ARHGAP21: variants seen among roughly 807,000 people sequenced by gnomAD.
ARHGAP21 encodes Rho GTPase activating protein 21, also known as rho GTPase-activating protein 21.
In ARHGAP21, 38 loss-of-function variants were observed where a neutral mutation model predicts 164.6. The ratio of observed to expected loss-of-function variants is 0.23; its 90% CI spans 0.18 to 0.30. The LOEUF (loss-of-function observed/expected upper bound fraction) is 0.30, where lower values mean the gene tolerates loss of function less well. ARHGAP21 is among the 10% of genes least tolerant of loss of function. ARHGAP21 has a pLI of 1.00. For synonymous variants in ARHGAP21, 766 were observed against 857.9 expected, an observed-to-expected ratio of 0.89 and a Z score of 1.87; for missense variants, 1,822 against 2,370.7, an observed-to-expected ratio of 0.77 and a Z score of 4.81.
intron 2 of ARHGAP21, among the ~76,000 whole-genome samples, chr10:24,711,924 T>C (rs1844864671): frequency 6.6e-6 from 1 of 152,018 alleles, no homozygotes; most frequent in Non-Finnish European, 1.5e-5. Flanking sequence ...TTAAGAACTT[T>C]TTTTTTTTTG....
chr10:24,717,268 A>G (rs1473289483), intron 2 of ARHGAP21, among the ~76,000 whole-genome samples: 2 of 152,208 alleles, frequency 1.3e-5, no homozygotes, highest in African/African-American at 4.8e-5. Context: ...AATCTAAATG[A>G]ACACTGAATA....
At chr10:24,692,435 CAAG>C (rs1290051993) in intron 2 of ARHGAP21, among the ~76,000 whole-genome samples, 1 of 152,198 alleles carries the variant, frequency 6.6e-6, no homozygotes, top group African/African-American at 2.4e-5. Flanking sequence ...TTAATTTTCA[CAAG>C]AAGAAACCAT....
intron 4 of ARHGAP21, among the ~76,000 whole-genome samples, chr10:24,656,161 G>A (rs1485312093): frequency 7.2e-5 from 9 of 125,330 alleles, no homozygotes; most frequent in African/African-American, 2.8e-4. Flanking sequence ...CGGGAGGGAG[G>A]TGGGGGGGGT....
intron 7 of ARHGAP21, among the ~76,000 whole-genome samples, chr10:24,628,634 C>T (rs914600622): frequency 1.9e-4 from 29 of 151,732 alleles, no homozygotes; most frequent in Non-Finnish European, 4.0e-4. Context: ...AATACTTCAG[C>T]GGCCACTGCC....
At chr10:24,718,285 G>T (rs1358136938) in intron 2 of ARHGAP21, among the ~76,000 whole-genome samples, 1 of 152,194 alleles carries the variant, frequency 6.6e-6, no homozygotes, top group Non-Finnish European at 1.5e-5. Context: ...GAAATCTGAT[G>T]AGTTTGCAAT....
At chr10:24,684,063 G>C (rs1426077891) in intron 2 of ARHGAP21, among the ~76,000 whole-genome samples, 2 of 152,160 alleles carry the variant, frequency 1.3e-5, no homozygotes, top group South Asian at 2.1e-4. Flanking sequence ...AAGGTGGGCG[G>C]ATCGCTTCAG....
intron 2 of ARHGAP21, among the ~76,000 whole-genome samples, chr10:24,685,528 T>A (rs1038956548): frequency 6.6e-6 from 1 of 152,190 alleles, no homozygotes; most frequent in Non-Finnish European, 1.5e-5. Flanking sequence ...ACAATGAGAT[T>A]ATCATTTAGT....
chr10:24,602,033 T>A lies in ARHGAP21; in HGVS notation c.2792A>T (p.Asp931Val). ...ATGAAGCCACCCTTCCTTGGCAGCA[T>A]CACTGAAGACCTCTGAGGAAGAATC... ...RKDSSSEVFS[D>V]AAKEGWLHFR... The change falls in exon 13 of 26, where the codon GAT becomes GTT. Residue 931 changes from aspartate to valine, a missense_variant. By Grantham distance (152) the Asp-to-Val change is radical. Coordinates refer to ENST00000396432, the MANE Select transcript of ARHGAP21 (RefSeq NM_020824.4). 4 of 1,612,584 alleles carry A rather than the reference T, an allele frequency of 2.5e-6. No individual in the cohort carries two copies. Among genetic ancestry groups the A allele is most frequent in the Non-Finnish European group, 3.4e-6 (4 of 1,179,926 alleles).
chr10:24,720,824 T>A (rs759549527), intron 2 of ARHGAP21, among the ~76,000 whole-genome samples: 14 of 152,154 alleles, frequency 9.2e-5, no homozygotes, highest in Non-Finnish European at 1.8e-4. Context: ...TATGTTATTG[T>A]CTAAAGTAAT....
chr10:24,629,904 T>G (rs772864771), intron 7 of ARHGAP21, 92 bp downstream of exon 7: 7 of 935,996 alleles, frequency 7.5e-6, no homozygotes, highest in Non-Finnish European at 1.2e-5. Context: ...TAGAATTTTT[T>G]TTAAATTCCA....
At chr10:24,722,956 C>G (rs1281029460) in intron 1 of ARHGAP21, among the ~76,000 whole-genome samples, 1 of 152,038 alleles carries the variant, frequency 6.6e-6, no homozygotes, top group African/African-American at 2.4e-5. Context: ...CCCCAACTAC[C>G]ACTCGACACG....
At chr10:24,627,639 TTC>T (rs1181677117) in intron 7 of ARHGAP21, among the ~76,000 whole-genome samples, 25 of 152,228 alleles carry the variant, frequency 1.6e-4, no homozygotes, top group African/African-American at 5.1e-4. Context: ...GAACTGGTTT[TTC>T]TCTGTCTCTG....
chr10:24,682,127 A>C (rs866925457), intron 2 of ARHGAP21, among the ~76,000 whole-genome samples: 2 of 152,206 alleles, frequency 1.3e-5, no homozygotes, highest in African/African-American at 4.8e-5. Context: ...AAAAAAAAAA[A>C]CATAGGGGTC....
intron 4 of ARHGAP21, among the ~76,000 whole-genome samples, chr10:24,654,847 T>A (rs1284623272): frequency 6.6e-6 from 1 of 152,186 alleles, no homozygotes; most frequent in African/African-American, 2.4e-5. Context: ...GCTGGAGGCA[T>A]CACACTACCT....
At chr10:24,603,754 T>C (rs1168336010) in intron 12 of ARHGAP21, among the ~76,000 whole-genome samples, 2 of 152,060 alleles carry the variant, frequency 1.3e-5, no homozygotes. Flanking sequence ...TCCCAGCACT[T>C]TGGGAGGCCA....
rs760891711 is a variant in ARHGAP21 at position 24,629,945 on chromosome 10, C to T, written c.495+51G>A. The T allele has an allele frequency of 1.9e-5, 24 of 1,261,228 alleles. 1 individual carries two copies. The South Asian group carries it at 2.5e-4, about 13-fold the overall frequency. 78.1% of individuals were successfully genotyped at this position (1,261,228 alleles called of 1,614,324 possible). A position where few individuals can be genotyped will look rare whatever the true frequency, so the allele number is the denominator to read the frequency against. The stretch of plus-strand genomic sequence containing the variant: ...AATACTTCCATCTCAAAAATATTTT[C>T]CGAACATTCATGACTGTAAAACAAC... On this transcript the variant is annotated intron_variant, in intron 7 of 25. Coordinates refer to ENST00000396432, the MANE Select transcript of ARHGAP21 (RefSeq NM_020824.4).
chr10:24,640,307 T>TATATAA (rs1175994966), intron 4 of ARHGAP21: 1 of 150,896 alleles, frequency 6.6e-6, no homozygotes, highest in East Asian at 1.9e-4. Context: ...TATATATATA[T>TATATAA]AAGAAAGAAA....
At chr10:24,601,730 A>G (rs1028978445) in intron 13 of ARHGAP21, among the ~76,000 whole-genome samples, 2 of 152,202 alleles carry the variant, frequency 1.3e-5, no homozygotes, top group Non-Finnish European at 2.9e-5. Context: ...TTTCCTTTTT[A>G]CATTGCCAAA....
Position 24,722,021 on chromosome 10 carries a change from T to G in ARHGAP21, c.-122A>C. ...AGCAGGCTCCGAGGAGGGGCAGGGC[T>G]GTTGAAACAGACAACGTGCCAGGGA... On this transcript the variant is annotated 5_prime_UTR_variant, in exon 2 of 26. Coordinates refer to ENST00000396432, the MANE Select transcript of ARHGAP21 (RefSeq NM_020824.4). 9.7e-7 allele frequency: 1 copy of G among 1,032,020 alleles called. No individual in the cohort carries two copies. Among genetic ancestry groups the G allele is most frequent in the East Asian group, 2.6e-5 (1 of 39,054 alleles). The allele number at this position is 1,032,020 out of a possible 1,614,324, so 63.9% of individuals were successfully genotyped here.
Sources: gnomAD v4.1 joint callset for allele counts (sites outside exome capture counted in the v4.1 genomes callset) on GRCh38, gnomAD v4.1.1 for gene constraint, MANE v1.5 for transcripts, NCBI Gene and HGNC (gene_info 2026-07-23, HGNC 2026-07-21) for gene names.